The following GRIK2 variants were observed in gnomAD, a reference collection of about 807,000 sequenced individuals.
GRIK2 encodes the protein glutamate receptor ionotropic, kainate 2.
A neutral mutation model predicts 100.3 loss-of-function variants in GRIK2; 32 were observed. The ratio of observed to expected loss-of-function variants is 0.32; its 90% CI spans 0.24 to 0.43. The LOEUF is 0.43. Ranked by LOEUF, GRIK2 falls within the 20% of genes least tolerant of loss-of-function variation. The pLI is 1.00. For synonymous variants in GRIK2, 417 were observed against 389.4 expected, an observed-to-expected ratio of 1.07 and a Z score of -0.83; for missense variants, 843 against 1,114.9, an observed-to-expected ratio of 0.76 and a Z score of 3.47.
chr6:101,900,244 C>T (rs1403214921), intron 12 of GRIK2, among the ~76,000 whole-genome samples: 1 of 152,052 alleles, frequency 6.6e-6, no homozygotes, highest in Non-Finnish European at 1.5e-5. Context: ...GTGGGCAGAT[C>T]ACCTGAGGTC....
At chr6:101,575,076 C>T (rs1269099903) in intron 2 of GRIK2, among the ~76,000 whole-genome samples, 1 of 151,508 alleles carries the variant, frequency 6.6e-6, no homozygotes, top group Non-Finnish European at 1.5e-5. Flanking sequence ...ATGATTTATT[C>T]ATATTTTAGA....
rs371606570 is a variant in GRIK2 at position 101,626,568 on chromosome 6, C to T, written c.472C>T (p.Arg158Cys). ...SLYPDFSSLS[R>C]AILDLVQFFK... ...CTACCCAGACTTCTCTTCACTCAGC[C>T]GTGCCATTTTAGACCTGGTGCAGTT... Residue 158 changes from arginine to cysteine, a missense_variant, in exon 4 of 17, where the codon CGT becomes TGT. Arg to Cys is a radical substitution (Grantham distance 180). Around this residue, in one of 3 missense-constraint regions of GRIK2, gnomAD observed 519 missense variants for 643.8 expected, o/e 0.81. Coordinates refer to ENST00000369134, the MANE Select transcript of GRIK2 (RefSeq NM_021956.5). 15 of 1,613,604 alleles carry T rather than the reference C, an allele frequency of 9.3e-6. No individual in the cohort carries two copies. Among genetic ancestry groups the T allele is most frequent in the African/African-American group, 6.7e-5 (5 of 74,914 alleles).
chr6:101,736,359 T>A (rs1775631693), intron 7 of GRIK2, among the ~76,000 whole-genome samples: 1 of 152,210 alleles, frequency 6.6e-6, no homozygotes, highest in Non-Finnish European at 1.5e-5. Flanking sequence ...CCTTTCACAC[T>A]GCCCTAGCAG....
At chr6:101,694,307 C>T (rs948627258) in intron 7 of GRIK2, among the ~76,000 whole-genome samples, 5 of 152,004 alleles carry the variant, frequency 3.3e-5, no homozygotes, top group South Asian at 4.2e-4. Flanking sequence ...TCACTGGGGT[C>T]GGCACTCAGA....
intron 4 of GRIK2, among the ~76,000 whole-genome samples, chr6:101,648,156 A>G (rs1478405030): frequency 6.6e-6 from 1 of 152,080 alleles, no homozygotes; most frequent in Non-Finnish European, 1.5e-5. Flanking sequence ...TCAGACTTGC[A>G]GTAAAGATAT....
chr6:101,761,511 T>A (rs1448787344), intron 7 of GRIK2, among the ~76,000 whole-genome samples: 2 of 152,136 alleles, frequency 1.3e-5, no homozygotes, highest in African/African-American at 4.8e-5. Flanking sequence ...ATGCTCTATC[T>A]CTGTTGGCTA....
chr6:101,724,960 T>A (rs897865692), intron 7 of GRIK2, among the ~76,000 whole-genome samples: 97 of 152,160 alleles, frequency 6.4e-4, no homozygotes, highest in African/African-American at 2.2e-3. Flanking sequence ...CTTTTCTGTC[T>A]CTTTTTCACT....
chr6:101,836,659 ATATTTT>A (rs1562426835), intron 10 of GRIK2, among the ~76,000 whole-genome samples: 1 of 60,214 alleles, frequency 1.7e-5, no homozygotes, highest in Admixed American at 2.6e-4. Context: ...ATATATATAT[ATATTTT>A]TTTTTTTTTT....
chr6:101,761,248 G>A (rs1182710646), intron 7 of GRIK2, among the ~76,000 whole-genome samples: 3 of 152,048 alleles, frequency 2.0e-5, no homozygotes, highest in African/African-American at 4.8e-5. Flanking sequence ...TGAATTGCTG[G>A]GTGGCCTTTG....
intron 14 of GRIK2, among the ~76,000 whole-genome samples, chr6:101,977,887 G>A (rs143310440): frequency 2.6e-5 from 4 of 151,882 alleles, no homozygotes; most frequent in African/African-American, 9.7e-5. Flanking sequence ...AAAGCTCCTC[G>A]AGAAACTTTC....
intron 2 of GRIK2, among the ~76,000 whole-genome samples, chr6:101,469,784 G>A (rs550035776): frequency 6.6e-6 from 1 of 152,160 alleles, no homozygotes; most frequent in East Asian, 1.9e-4. Flanking sequence ...TCCCTGAATT[G>A]CAGGCCTGAG....
intron 7 of GRIK2, among the ~76,000 whole-genome samples, chr6:101,782,857 C>CTTT (rs1158965622): frequency 9.9e-5 from 13 of 130,812 alleles, no homozygotes; most frequent in Admixed American, 2.3e-4. Context: ...ACTCAAATCT[C>CTTT]TTTTTTTTTT....
intron 7 of GRIK2, among the ~76,000 whole-genome samples, chr6:101,791,242 T>A (rs1319977662): frequency 6.6e-6 from 1 of 152,214 alleles, no homozygotes; most frequent in Non-Finnish European, 1.5e-5. Context: ...TTTCTTGCCT[T>A]CTGCTAGCTT....
intron 7 of GRIK2, among the ~76,000 whole-genome samples, chr6:101,721,522 T>A (rs1195740907): frequency 6.6e-6 from 1 of 152,116 alleles, no homozygotes; most frequent in South Asian, 2.1e-4. Context: ...ATTGTACCCC[T>A]GCACTCCAGG....
intron 14 of GRIK2, among the ~76,000 whole-genome samples, chr6:102,016,573 T>G (rs1008673646): frequency 6.8e-6 from 1 of 147,138 alleles, no homozygotes; most frequent in African/African-American, 2.5e-5. Context: ...CAAAAAAAAT[T>G]TAAAAAAAAA....
At chr6:101,554,890 T>C (rs575190818) in intron 2 of GRIK2, among the ~76,000 whole-genome samples, 11 of 152,262 alleles carry the variant, frequency 7.2e-5, no homozygotes, top group Non-Finnish European at 1.5e-4. Context: ...TAGGTATATG[T>C]GACCACTCAA....
intron 6 of GRIK2, among the ~76,000 whole-genome samples, chr6:101,682,892 G>T (rs1771384800): frequency 6.6e-6 from 1 of 152,174 alleles, no homozygotes; most frequent in African/African-American, 2.4e-5. Context: ...AGTTTCCTGA[G>T]AAATCAGTGC....
At chr6:101,595,043 A>G (rs1340437848) in intron 2 of GRIK2, among the ~76,000 whole-genome samples, 1 of 151,678 alleles carries the variant, frequency 6.6e-6, no homozygotes, top group African/African-American at 2.4e-5. Context: ...GAGGGAGGTT[A>G]AGGTACCGAG....
At chr6:101,654,127 C>T (rs910269705) in intron 4 of GRIK2, among the ~76,000 whole-genome samples, 2 of 152,096 alleles carry the variant, frequency 1.3e-5, no homozygotes, top group African/African-American at 4.8e-5. Flanking sequence ...ACTGAATAAA[C>T]ATCTAATGTC....
Sources: gnomAD v4.1 joint callset for allele counts (sites outside exome capture counted in the v4.1 genomes callset) on GRCh38, gnomAD v4.1.1 for gene constraint, gnomAD v4.1.1 regional missense constraint, MANE v1.5 for transcripts, NCBI Gene and HGNC (gene_info 2026-07-23, HGNC 2026-07-21) for gene names.